DLG1: variants seen among roughly 807,000 people sequenced by gnomAD.
The protein encoded by DLG1 is disks large homolog 1.
In DLG1, 42 loss-of-function variants were observed where a neutral mutation model predicts 123.4. The ratio of observed to expected loss-of-function variants is 0.34; its 90% CI spans 0.27 to 0.44. DLG1 has a LOEUF of 0.44. DLG1 is among the 20% of genes least tolerant of loss of function. The pLI is 1.00. For synonymous variants in DLG1, 317 were observed against 356.2 expected (o/e 0.89, Z 1.24); for missense variants, 942 against 1,082.6 (o/e 0.87, Z 1.82).
In DLG1 at chr3:197,069,225, T is replaced by G; in HGVS notation, c.2041A>C (p.Ser681Arg). 6.3e-7 allele frequency: 1 copy of G among 1,590,704 alleles called. No homozygotes were observed. Among genetic ancestry groups the G allele is most frequent in the African/African-American group, 1.4e-5 (1 of 73,918 alleles). Reference protein sequence around the residue: ...VTSNASDSESSYRGQEEYVLS... With the variant: ...VTSNASDSESRYRGQEEYVLS... ...AGTAACTTAAAACACTTACGGTAAC[T>G]ACTTTCACTATCGCTGGCATTAGAA... Residue 681 changes from serine (S) to arginine (R), a missense_variant, in exon 19 of 25, where the codon AGT (serine) becomes CGT (arginine). Transcript: ENST00000667157.
chr3:197,056,864 A>G (rs967236642), intron 23 of DLG1, among the ~76,000 whole-genome samples: 1 of 152,178 alleles, frequency 6.6e-6, no homozygotes, highest in Non-Finnish European at 1.5e-5. Context: ...TTCTATGAGC[A>G]ATTATTAAAT....
At chr3:197,205,492 C>T (rs1456805031) in intron 4 of DLG1, among the ~76,000 whole-genome samples, 1 of 152,004 alleles carries the variant, frequency 6.6e-6, no homozygotes, top group Admixed American at 6.6e-5. Flanking sequence ...ATCAAAAAAG[C>T]ATTTCATGTA....
intron 5 of DLG1, among the ~76,000 whole-genome samples, chr3:197,158,650 A>G (rs1577245853): frequency 8.1e-6 from 1 of 123,502 alleles, no homozygotes; most frequent in African/African-American, 3.0e-5. Flanking sequence ...AAAAAAAAAA[A>G]AAAAAAAGCC....
intron 3 of DLG1, among the ~76,000 whole-genome samples, chr3:197,288,798 GGAAA>G (rs1470283286): frequency 1.4e-5 from 2 of 141,942 alleles, no homozygotes; most frequent in East Asian, 3.9e-4. Flanking sequence ...CTACTGACAT[GGAAA>G]GACATTTGTC....
chr3:197,151,855 C>T lies in DLG1; in HGVS notation c.484-2059G>A, dbSNP rs1577133992. Among the ~76,000 whole-genome samples the T allele has an allele frequency of 2.6e-5, 4 of 152,150 alleles. No homozygotes were observed. The South Asian group carries it at 8.3e-4, about 32-fold the overall frequency. On this transcript the variant is annotated intron_variant, in intron 5 of 24. Coordinates refer to ENST00000667157, the MANE Select transcript of DLG1 (RefSeq NM_001366207.1). ...ACCAGGAGTTCAAAACCAGTCTGGC[C>T]AACATGGGTGAGCAAAATTATGTTT...
chr3:197,176,246 C>T (rs1807015178), intron 5 of DLG1, among the ~76,000 whole-genome samples: 1 of 152,024 alleles, frequency 6.6e-6, no homozygotes, highest in Non-Finnish European at 1.5e-5. Flanking sequence ...TGCTCACACA[C>T]ATAAACTATC....
At chr3:197,163,194 AAAAAC>A (rs1799534209) in intron 5 of DLG1, among the ~76,000 whole-genome samples, 1 of 152,214 alleles carries the variant, frequency 6.6e-6, no homozygotes, top group African/African-American at 2.4e-5. Flanking sequence ...AAACAAAACA[AAAAAC>A]AAAGTAACAA....
At chr3:197,045,576 T>TA (rs1177322511) in intron 24 of DLG1, among the ~76,000 whole-genome samples, 5 of 129,244 alleles carry the variant, frequency 3.9e-5, no homozygotes, top group Non-Finnish European at 7.0e-5. Flanking sequence ...CCCTGTGTAT[T>TA]TAAAAAAAAA....
intron 5 of DLG1, among the ~76,000 whole-genome samples, chr3:197,185,829 A>G (rs184640970): frequency 5.3e-5 from 8 of 152,174 alleles, no homozygotes; most frequent in African/African-American, 1.4e-4. Context: ...CTCAAACTGT[A>G]AACAGTACCA....
chr3:197,260,987 A>G (rs1486835473), intron 4 of DLG1, among the ~76,000 whole-genome samples: 1 of 152,122 alleles, frequency 6.6e-6, no homozygotes, highest in South Asian at 2.1e-4. Flanking sequence ...AAGTGAATAA[A>G]TAACATTTTA....
At chr3:197,201,459 A>T (rs1329388701) in intron 4 of DLG1, among the ~76,000 whole-genome samples, 1 of 152,264 alleles carries the variant, frequency 6.6e-6, no homozygotes, top group African/African-American at 2.4e-5. Flanking sequence ...TGAATTCAGT[A>T]AAGTTTCAGG....
intron 17 of DLG1, 164 bp downstream of exon 17, chr3:197,080,887 G>T: frequency 5.7e-6 from 3 of 529,570 alleles, no homozygotes; most frequent in Non-Finnish European, 9.9e-6. Flanking sequence ...ATTTGGAAGG[G>T]TCTGTGAAAT....
At chr3:197,246,181 C>T (rs756378059) in intron 4 of DLG1, among the ~76,000 whole-genome samples, 12 of 152,314 alleles carry the variant, frequency 7.9e-5, no homozygotes, top group African/African-American at 2.6e-4. Context: ...TCCCCATCGA[C>T]CACTGAATAC....
At chr3:197,173,683 G>A (rs1226134968) in intron 5 of DLG1, among the ~76,000 whole-genome samples, 1 of 152,100 alleles carries the variant, frequency 6.6e-6, no homozygotes, top group Non-Finnish European at 1.5e-5. Flanking sequence ...AAACATTTTT[G>A]GAAATGACAA....
intron 22 of DLG1, among the ~76,000 whole-genome samples, chr3:197,062,951 C>T (rs1320020270): frequency 6.6e-6 from 1 of 152,114 alleles, no homozygotes; most frequent in African/African-American, 2.4e-5. Context: ...TCAAACCTCA[C>T]TCCCACTACT....
At chr3:197,245,547 T>C (rs1434220934) in intron 4 of DLG1, among the ~76,000 whole-genome samples, 1 of 152,162 alleles carries the variant, frequency 6.6e-6, no homozygotes, top group Non-Finnish European at 1.5e-5. Flanking sequence ...TTCCTATACA[T>C]CCATAGACTT....
intron 5 of DLG1, among the ~76,000 whole-genome samples, chr3:197,187,814 T>C (rs1716965789): frequency 6.6e-6 from 1 of 152,166 alleles, no homozygotes; most frequent in South Asian, 2.1e-4. Context: ...AACCCCAAAA[T>C]TTACCCACTG....
intron 14 of DLG1, among the ~76,000 whole-genome samples, chr3:197,098,710 TTAG>T (rs1188027678): frequency 2.6e-5 from 4 of 152,140 alleles, no homozygotes; most frequent in Non-Finnish European, 5.9e-5. Flanking sequence ...AATTTTTATG[TTAG>T]TAGAGACAGA....
intron 5 of DLG1, among the ~76,000 whole-genome samples, chr3:197,153,282 G>C (rs1161849747): frequency 6.6e-6 from 1 of 152,208 alleles, no homozygotes; most frequent in African/African-American, 2.4e-5. Context: ...CCACAAATCT[G>C]TTTCTCCACC....
Sources: allele counts gnomAD v4.1 joint callset (sites outside exome capture counted in the v4.1 genomes callset), GRCh38; gene constraint gnomAD v4.1.1; transcripts MANE v1.5; gene names NCBI Gene and HGNC (gene_info 2026-07-23, HGNC 2026-07-21).